Variants in MR1 observed in about 807,000 individuals in gnomAD.
MR1 encodes major histocompatibility complex, class I-related.
MR1 carries 44 observed loss-of-function variants against 37.8 expected under a neutral mutation model. That is an observed-to-expected ratio of 1.16 (90% CI 0.91 to 1.50). MR1 has a LOEUF of 1.50. Among genes scored for constraint, MR1 ranks in the 40% most tolerant of loss-of-function variants. The pLI, the probability that MR1 is intolerant of heterozygous loss-of-function variation, is 0.00. For missense variants in MR1, 386 were observed against 419.1 expected, an observed-to-expected ratio of 0.92 and a Z score of 0.69; for synonymous variants, 153 against 155.8, an observed-to-expected ratio of 0.98 and a Z score of 0.13.
chr1:181,052,927 C>T (rs1209459269), intron 4 of MR1, among the ~76,000 whole-genome samples: 4 of 151,722 alleles, frequency 2.6e-5, no homozygotes, highest in Non-Finnish European at 4.4e-5. Flanking sequence ...ATTAGCCAGG[C>T]ATGGTGGCGC....
Position 181,058,293 on chromosome 1 carries a change from C to T in MR1, c.*3028C>T, listed in dbSNP as rs1039333617. On this transcript the variant is annotated 3_prime_UTR_variant, in exon 6 of 6. Transcript: ENST00000367580. ...GGATCAAGAACACTAGATGAGAAAC[C>T]TGTTCAACTCTGTTCTTTTTTTTTT... 2 of 150,858 alleles carry T rather than the reference C, an allele frequency of 1.3e-5. No homozygotes were observed. Among genetic ancestry groups the T allele is most frequent in the African/African-American group, 4.9e-5 (2 of 40,838 alleles). The allele number at this position is 150,858 out of a possible 1,614,324, so 9.3% of individuals were successfully genotyped here. A position where few individuals can be genotyped will look rare whatever the true frequency, so the allele number is the denominator to read the frequency against.
intron 1 of MR1, among the ~76,000 whole-genome samples, chr1:181,047,366 C>T (rs915273079): frequency 4.6e-5 from 7 of 151,898 alleles, no homozygotes; most frequent in South Asian, 2.1e-4. Flanking sequence ...TTTGGGAGGC[C>T]GAGGTGGGCA....
chr1:181,047,992 T>G (rs1361625532), intron 1 of MR1, among the ~76,000 whole-genome samples: 2 of 128,256 alleles, frequency 1.6e-5, no homozygotes, highest in Admixed American at 7.9e-5. Context: ...CCGAGGTGGG[T>G]GGATCACGAG....
chr1:181,040,858 G>C (rs1018058986), intron 1 of MR1, among the ~76,000 whole-genome samples: 1 of 152,018 alleles, frequency 6.6e-6, no homozygotes, highest in Non-Finnish European at 1.5e-5. Flanking sequence ...CCAAGGCAGG[G>C]GGAATCATGA....
At chr1:181,036,820 G>A (rs1421582692) in intron 1 of MR1, among the ~76,000 whole-genome samples, 1 of 152,212 alleles carries the variant, frequency 6.6e-6, no homozygotes, top group Non-Finnish European at 1.5e-5. Flanking sequence ...TGTTTGCTGA[G>A]TGAATTTATG....
intron 1 of MR1, among the ~76,000 whole-genome samples, chr1:181,044,447 G>C (rs1305593274): frequency 6.6e-6 from 1 of 152,166 alleles, no homozygotes; most frequent in Non-Finnish European, 1.5e-5. Flanking sequence ...GGGAAGTGTT[G>C]TGTAGTACAG....
At chr1:181,043,712 C>T (rs1339946143) in intron 1 of MR1, among the ~76,000 whole-genome samples, 1 of 152,132 alleles carries the variant, frequency 6.6e-6, no homozygotes, top group Non-Finnish European at 1.5e-5. Context: ...CACACACACA[C>T]ATATGCACAC....
At position 181,060,446 on chromosome 1, in the gene MR1, A is replaced by T. The variant is rs1002478271; in HGVS notation, c.*5181A>T. The T allele has an allele frequency of 6.6e-6, 1 of 152,104 alleles. No homozygotes were observed. Among genetic ancestry groups the T allele is most frequent in the Non-Finnish European group, 1.5e-5 (1 of 68,016 alleles). The allele number at this position is 152,104 out of a possible 1,614,324, so 9.4% of individuals were successfully genotyped here. A position where few individuals can be genotyped will look rare whatever the true frequency, so the allele number is the denominator to read the frequency against. On this transcript the variant is annotated 3_prime_UTR_variant, in exon 6 of 6. Transcript: ENST00000367580. ...CTGTAGGTTCCCTCAATCCACCAAA[A>T]TTTTTTGGCTCCACTGGATTATCTA...
chr1:181,045,405 C>T (rs1398827361), intron 1 of MR1, among the ~76,000 whole-genome samples: 3 of 152,076 alleles, frequency 2.0e-5, no homozygotes, highest in Non-Finnish European at 2.9e-5. Context: ...CAGGCATCGC[C>T]TCTGCCCGTG....
chr1:181,049,935 A>G, intron 2 of MR1, 76 bp from the exon 3 acceptor site: 1 of 1,511,100 alleles, frequency 6.6e-7, no homozygotes, highest in Non-Finnish European at 9.0e-7. Context: ...GCTTCCAGCC[A>G]TGCCCCTGCT....
At chr1:181,053,722 G>A (rs138847795) in intron 5 of MR1, 45 bp downstream of exon 5, 1 of 1,344,308 alleles carries the variant, frequency 7.4e-7, no homozygotes, top group African/African-American at 1.4e-5. Context: ...AGACTCTCCT[G>A]CATCTCTCCA....
intron 1 of MR1, among the ~76,000 whole-genome samples, chr1:181,046,706 T>A (rs1293752468): frequency 6.6e-6 from 1 of 152,082 alleles, no homozygotes; most frequent in African/African-American, 2.4e-5. Context: ...GTTGTTTCGC[T>A]CTTTGCAATA....
chr1:181,052,540 A>G, intron 4 of MR1, 30 bp downstream of exon 4: 1 of 1,600,656 alleles, frequency 6.2e-7, no homozygotes, highest in Middle Eastern at 1.8e-4. Context: ...CTGTCTAGGG[A>G]GAGAGCCTGG....
chr1:181,055,076 TA>T, intron 5 of MR1, 148 bp from the exon 6 acceptor site: 2 of 693,442 alleles, frequency 2.9e-6, no homozygotes, highest in Non-Finnish European at 2.5e-6. Flanking sequence ...AAATTTGAGC[TA>T]AAGTTTGTCA....
chr1:181,059,917 C>T lies in MR1; in HGVS notation c.*4652C>T, dbSNP rs12029214. 0.63 allele frequency: 95,066 copies of T among 152,088 alleles called. 30,228 individuals carry two copies. Among genetic ancestry groups the T allele is most frequent in the East Asian group, 0.89 (4,593 of 5,176 alleles). 9.4% of individuals were successfully genotyped at this position (152,088 alleles called of 1,614,324 possible). On this transcript the variant is annotated 3_prime_UTR_variant, in exon 6 of 6. Transcript: ENST00000367580. Reference sequence around the variant, plus strand: ...CATTGTGGCCATTTTGGGAAAGATGCAACATGTCACAATGTCATGTTCTCC... The same window carrying T: ...CATTGTGGCCATTTTGGGAAAGATGTAACATGTCACAATGTCATGTTCTCC...
At position 181,055,274 on chromosome 1, in the gene MR1, C is replaced by T. The variant is rs369392280; in HGVS notation, c.*9C>T. ...CAACACCAGATCGATGATTGCAGAT[C>T]CCTCTTTTCCAGTTCTCCTTCCTCT... On this transcript the variant is annotated 3_prime_UTR_variant, in exon 6 of 6. Coordinates refer to ENST00000367580, the MANE Select transcript of MR1 (RefSeq NM_001385161.1). 6.2e-7 allele frequency: 1 copy of T among 1,610,514 alleles called. No homozygotes were observed. The highest frequency in any genetic ancestry group is 1.1e-5 in the South Asian group (1 of 90,948).
chr1:181,037,844 C>T lies in MR1; in HGVS notation c.67+3770C>T, dbSNP rs932383039. Among the ~76,000 whole-genome samples, 14 of 152,192 alleles carry T rather than the reference C, an allele frequency of 9.2e-5. No homozygotes were observed. The South Asian group carries it at 2.9e-3, about 32-fold the overall frequency. Reference sequence around the variant, plus strand: ...AGAGAGTACTGAGGGAAAAAAGACACCAGAGCTCATTCATTCGTTTTCCAA... The same window carrying T: ...AGAGAGTACTGAGGGAAAAAAGACATCAGAGCTCATTCATTCGTTTTCCAA... On this transcript the variant is annotated intron_variant, in intron 1 of 5. Coordinates refer to ENST00000367580, the MANE Select transcript of MR1 (RefSeq NM_001385161.1).
chr1:181,049,659 T>C (rs1571394810), intron 2 of MR1: 1 of 490,228 alleles, frequency 2.0e-6, no homozygotes, highest in East Asian at 3.5e-5. Flanking sequence ...GTGACTTGCT[T>C]ATGAGTATCG....
intron 1 of MR1, among the ~76,000 whole-genome samples, chr1:181,048,645 T>C (rs1243808244): frequency 2.0e-5 from 3 of 152,280 alleles, no homozygotes; most frequent in Admixed American, 2.0e-4. Context: ...GAGGCTTCTT[T>C]GGTAAAAGAA....
Sources: allele counts gnomAD v4.1 joint callset (sites outside exome capture counted in the v4.1 genomes callset), GRCh38; gene constraint gnomAD v4.1.1; transcripts MANE v1.5; gene names NCBI Gene and HGNC (gene_info 2026-07-23, HGNC 2026-07-21).